CASR: variants seen among roughly 807,000 people sequenced by gnomAD.
CASR encodes the protein calcium sensing receptor.
Under a neutral mutation model 69.1 loss-of-function variants are expected in CASR, and 23 were observed. That is an observed-to-expected ratio of 0.33 (90% CI 0.24 to 0.47). CASR has a LOEUF of 0.47. CASR is among the 20% of genes least tolerant of loss of function. The pLI is 1.00. For synonymous variants in CASR, 541 were observed against 544.7 expected, an observed-to-expected ratio of 0.99 and a Z score of 0.10; for missense variants, 924 against 1,356.1, an observed-to-expected ratio of 0.68 and a Z score of 5.00.
chr3:122,241,380 C>T (rs1174065385), intron 1 of CASR, among the ~76,000 whole-genome samples: 2 of 151,976 alleles, frequency 1.3e-5, no homozygotes, highest in Non-Finnish European at 2.9e-5. Flanking sequence ...TTCAAAGGAA[C>T]ATTAGAGGCT....
intron 1 of CASR, among the ~76,000 whole-genome samples, chr3:122,207,455 GAA>G (rs2074018678): frequency 6.6e-6 from 1 of 152,046 alleles, no homozygotes; most frequent in African/African-American, 2.4e-5. Context: ...TTAAAAAATA[GAA>G]ATTATATCAA....
chr3:122,283,521 G>A (rs1013721759), intron 6 of CASR, among the ~76,000 whole-genome samples, 166 bp from the exon 7 acceptor site: 2 of 152,128 alleles, frequency 1.3e-5, no homozygotes, highest in South Asian at 4.1e-4. Context: ...ACATGTCGGG[G>A]TTCAGCATAT....
At position 122,282,253 on chromosome 3, in the gene CASR, T is replaced by G. The variant is rs201033132; in HGVS notation, c.1732+17T>G. ...ATGAGACAGGTAAGGGAACCCCTCT[T>G]GGGCACTGTGCAGGGCTTGGTCCAC... On this transcript the variant is annotated intron_variant, in intron 6 of 6. Transcript: ENST00000639785. The G allele has an allele frequency of 5.4e-5, 87 of 1,613,760 alleles. No individual in the cohort carries two copies. In the Middle Eastern group the frequency reaches 6.6e-4, roughly 12 times the overall value.
At chr3:122,244,285 G>A (rs1346837430) in intron 1 of CASR, among the ~76,000 whole-genome samples, 1 of 151,538 alleles carries the variant, frequency 6.6e-6, no homozygotes, top group Non-Finnish European at 1.5e-5. Context: ...AAATATCTCA[G>A]GTACCCCAGA....
intron 1 of CASR, among the ~76,000 whole-genome samples, chr3:122,195,229 TG>T (rs2073878026): frequency 6.6e-6 from 1 of 150,778 alleles, no homozygotes; most frequent in Non-Finnish European, 1.5e-5. Context: ...ACAGAGCAGC[TG>T]GGCCTCCCAG....
At chr3:122,224,287 A>G (rs2074201511) in intron 1 of CASR, among the ~76,000 whole-genome samples, 1 of 152,206 alleles carries the variant, frequency 6.6e-6, no homozygotes, top group South Asian at 2.1e-4. Context: ...CTATACCTAG[A>G]AACCCCCAAA....
At chr3:122,245,226 T>C (rs759700342) in intron 1 of CASR, among the ~76,000 whole-genome samples, 1 of 152,226 alleles carries the variant, frequency 6.6e-6, no homozygotes, top group South Asian at 2.1e-4. Flanking sequence ...GTCTAGGGAC[T>C]AATGACAAGA....
At chr3:122,223,149 A>T (rs1243696100) in intron 1 of CASR, among the ~76,000 whole-genome samples, 1 of 152,192 alleles carries the variant, frequency 6.6e-6, no homozygotes, top group South Asian at 2.1e-4. Context: ...CTAACATCAC[A>T]CCAAGAAGAA....
chr3:122,285,911 T>C lies in CASR; in HGVS notation c.*720T>C, dbSNP rs2074964428. The C allele has an allele frequency of 6.5e-6, 1 of 153,720 alleles. No homozygotes were observed. Among genetic ancestry groups the C allele is most frequent in the African/African-American group, 2.4e-5 (1 of 41,448 alleles). 9.5% of individuals were successfully genotyped at this position (153,720 alleles called of 1,614,324 possible). On this transcript the variant is annotated 3_prime_UTR_variant, in exon 7 of 7. Transcript: ENST00000639785. ...TGTAGCTTTATCCTTAGGAAAATGCTTCTGTTGTAATAGTCCATGGACAAT... is the reference window on the plus strand; with the variant it reads ...TGTAGCTTTATCCTTAGGAAAATGCCTCTGTTGTAATAGTCCATGGACAAT...
chr3:122,257,592 C>A, intron 3 of CASR: 6 of 530,330 alleles, frequency 1.1e-5, no homozygotes, highest in East Asian at 8.8e-5. Flanking sequence ...CACTATGCTT[C>A]CAAAATTCTT....
At position 122,206,602 on chromosome 3, in the gene CASR, G is replaced by T. The variant is rs529540206; in HGVS notation, c.-243+22790G>T. ...AACGCTGACCTCGAACAATGAGTTT[G>T]TAAGTATTCTCTCTTCTTTAATTTT... On this transcript the variant is annotated intron_variant, in intron 1 of 6. Coordinates refer to ENST00000639785, the MANE Select transcript of CASR (RefSeq NM_000388.4). 3.1e-3 allele frequency among the ~76,000 whole-genome samples: 479 copies of T among 152,100 alleles called. 1 individual carries two copies. The highest frequency in any genetic ancestry group is 0.011 in the African/African-American group (455 of 41,552).
chr3:122,270,799 T>G (rs2074749245), intron 4 of CASR, among the ~76,000 whole-genome samples: 1 of 152,206 alleles, frequency 6.6e-6, no homozygotes, highest in Non-Finnish European at 1.5e-5. Flanking sequence ...AAGTTTCCAG[T>G]GATTTTTCCA....
intron 4 of CASR, among the ~76,000 whole-genome samples, chr3:122,267,352 A>C (rs1025175270): frequency 1.3e-5 from 2 of 152,178 alleles, no homozygotes; most frequent in Non-Finnish European, 2.9e-5. Context: ...AATATTCCAC[A>C]CTCATGTGAT....
intron 1 of CASR, among the ~76,000 whole-genome samples, chr3:122,196,616 C>A (rs1280090546): frequency 2.0e-5 from 3 of 152,046 alleles, no homozygotes; most frequent in East Asian, 1.9e-4. Context: ...CAGCTCACTG[C>A]AGCCTTGACC....
chr3:122,193,472 C>G (rs972945442), intron 1 of CASR, among the ~76,000 whole-genome samples: 1 of 152,152 alleles, frequency 6.6e-6, no homozygotes, highest in African/African-American at 2.4e-5. Context: ...CTGTCTTAGC[C>G]TCCCAAAGTG....
At chr3:122,193,089 A>G (rs2073854097) in intron 1 of CASR, among the ~76,000 whole-genome samples, 1 of 151,990 alleles carries the variant, frequency 6.6e-6, no homozygotes, top group African/African-American at 2.4e-5. Context: ...TTTAATTTTC[A>G]TCACCCCTCA....
At chr3:122,206,658 T>C (rs896191459) in intron 1 of CASR, among the ~76,000 whole-genome samples, 2 of 152,008 alleles carry the variant, frequency 1.3e-5, no homozygotes, top group African/African-American at 4.8e-5. Context: ...TTGGTATTAA[T>C]TCTTCTTTAA....
At chr3:122,201,530 G>A (rs1047756963) in intron 1 of CASR, among the ~76,000 whole-genome samples, 4 of 152,362 alleles carry the variant, frequency 2.6e-5, no homozygotes, top group African/African-American at 4.8e-5. Context: ...CCTCCCAGAC[G>A]GGGTGGTGGC....
chr3:122,279,650 C>T (rs982259600), intron 5 of CASR, among the ~76,000 whole-genome samples: 30 of 152,120 alleles, frequency 2.0e-4, no homozygotes, highest in African/African-American at 7.2e-4. Flanking sequence ...TATCTATTAA[C>T]ATTTAACACC....
Sources: allele counts gnomAD v4.1 joint callset (sites outside exome capture counted in the v4.1 genomes callset), GRCh38; gene constraint gnomAD v4.1.1; transcripts MANE v1.5; gene names NCBI Gene and HGNC (gene_info 2026-07-23, HGNC 2026-07-21).